Variants in LAMA2 observed in about 807,000 individuals in gnomAD.
LAMA2 encodes laminin subunit alpha 2.
In LAMA2, 269 loss-of-function variants were observed where a neutral mutation model predicts 364.8. The observed-to-expected ratio is 0.74, with a 90% confidence interval of 0.67 to 0.82. The LOEUF (loss-of-function observed/expected upper bound fraction) is 0.82, where lower values mean the gene tolerates loss of function less well. LAMA2 is among the 40% of genes least tolerant of loss of function. The probability of loss-of-function intolerance (pLI) is 0.00; values close to 1 mark genes in which losing one functional copy is unlikely to be tolerated. For synonymous variants in LAMA2, 1,379 were observed against 1,370.6 expected, an observed-to-expected ratio of 1.01 and a Z score of -0.14; for missense variants, 3,807 against 3,873.2, an observed-to-expected ratio of 0.98 and a Z score of 0.45.
chr6:128,938,064 C>T lies in LAMA2; in HGVS notation c.112+54707C>T, dbSNP rs1280567148. Among the ~76,000 whole-genome samples, 3 of 152,018 alleles carry T rather than the reference C, an allele frequency of 2.0e-5. No individual in the cohort carries two copies. In the East Asian group the frequency reaches 5.8e-4, roughly 29 times the overall value. On this transcript the variant is annotated intron_variant, in intron 1 of 64. Coordinates refer to ENST00000421865, the MANE Select transcript of LAMA2 (RefSeq NM_000426.4). Reference sequence around the variant, plus strand: ...TGGTCATTTTGGAGTGTGTTGCTTACTTTCCATATATCTGTGCTGGGATTA... The same window carrying T: ...TGGTCATTTTGGAGTGTGTTGCTTATTTTCCATATATCTGTGCTGGGATTA...
At chr6:129,410,579 T>G (rs1181798000) in intron 40 of LAMA2, among the ~76,000 whole-genome samples, 6 of 152,182 alleles carry the variant, frequency 3.9e-5, no homozygotes, top group Non-Finnish European at 7.4e-5. Flanking sequence ...ACTGGTTGTA[T>G]TAGGGTTCTC....
intron 28 of LAMA2, among the ~76,000 whole-genome samples, chr6:129,326,755 T>TTA (rs896246343): frequency 2.1e-5 from 3 of 144,832 alleles, no homozygotes; most frequent in Admixed American, 7.1e-5. Flanking sequence ...TATATATAAT[T>TTA]TATATATATA....
chr6:128,918,967 AT>A (rs890202550), intron 1 of LAMA2, among the ~76,000 whole-genome samples: 2 of 152,092 alleles, frequency 1.3e-5, no homozygotes, highest in Non-Finnish European at 2.9e-5. Context: ...ATATATTGTG[AT>A]TGTTTCAAAT....
rs2114890596 is a variant in LAMA2 at position 129,503,071 on chromosome 6, T to C, written c.8358-20T>C. ...ATGCTGTTATTTTTCTGTTTGACTT[T>C]GCATGCTTTTGTTTCACAGTCTCAC... On this transcript the variant is annotated intron_variant, in intron 59 of 64. Transcript: ENST00000421865. 6.2e-7 allele frequency: 1 copy of C among 1,610,802 alleles called. No individual in the cohort carries two copies. Among genetic ancestry groups the C allele is most frequent in the Non-Finnish European group, 8.5e-7 (1 of 1,176,980 alleles).
intron 1 of LAMA2, among the ~76,000 whole-genome samples, chr6:128,964,244 T>C (rs1781709625): frequency 6.6e-6 from 1 of 152,072 alleles, no homozygotes; most frequent in South Asian, 2.1e-4. Context: ...GGGAAAGGGA[T>C]GCTTGATGAG....
At chr6:128,945,175 G>A (rs1377344695) in intron 1 of LAMA2, among the ~76,000 whole-genome samples, 3 of 152,180 alleles carry the variant, frequency 2.0e-5, no homozygotes, top group Non-Finnish European at 2.9e-5. Context: ...ATAGTCATGA[G>A]TGTGCCTCAC....
intron 1 of LAMA2, among the ~76,000 whole-genome samples, chr6:129,026,093 C>A (rs537548698): frequency 3.9e-5 from 6 of 152,212 alleles, no homozygotes; most frequent in African/African-American, 1.2e-4. Flanking sequence ...CTTACTCTCC[C>A]TAGACATAGA....
At chr6:128,907,298 C>A (rs1777548906) in intron 1 of LAMA2, among the ~76,000 whole-genome samples, 1 of 141,370 alleles carries the variant, frequency 7.1e-6, no homozygotes, top group African/African-American at 2.7e-5. Context: ...TGTTTGTATC[C>A]TCTTTTATTT....
At chr6:129,427,935 T>C (rs1265055377) in intron 41 of LAMA2, 81 bp downstream of exon 41, 2 of 888,302 alleles carry the variant, frequency 2.3e-6, no homozygotes, top group African/African-American at 1.7e-5. Context: ...TATTGGAGAA[T>C]GTAATTTCTT....
intron 1 of LAMA2, among the ~76,000 whole-genome samples, chr6:129,043,390 T>A (rs12206958): frequency 0.11 from 16,132 of 152,188 alleles, 880 homozygotes; most frequent in East Asian, 0.15. Flanking sequence ...ACTTATACTG[T>A]CTTTTATCAT....
At chr6:129,078,079 A>G (rs1727220514) in intron 3 of LAMA2, among the ~76,000 whole-genome samples, 1 of 151,988 alleles carries the variant, frequency 6.6e-6, no homozygotes, top group African/African-American at 2.4e-5. Context: ...GGATAGTGAT[A>G]ATAGGGGAGG....
chr6:129,513,578 C>T (rs1401038451), intron 63 of LAMA2, among the ~76,000 whole-genome samples: 2 of 152,184 alleles, frequency 1.3e-5, no homozygotes, highest in Non-Finnish European at 2.9e-5. Flanking sequence ...TTTAATCTTT[C>T]TTCTTAAGAC....
At chr6:129,366,756 G>T (rs1231276816) in intron 33 of LAMA2, among the ~76,000 whole-genome samples, 1 of 152,182 alleles carries the variant, frequency 6.6e-6, no homozygotes, top group Non-Finnish European at 1.5e-5. Context: ...AATGGAAATT[G>T]CTGCTTGCAA....
At chr6:129,219,834 G>T (rs1474740507) in intron 12 of LAMA2, among the ~76,000 whole-genome samples, 1 of 147,802 alleles carries the variant, frequency 6.8e-6, no homozygotes, top group Non-Finnish European at 1.5e-5. Flanking sequence ...TTGTGGGGTG[G>T]GGGGGAGGGG....
chr6:129,147,145 T>A, intron 6 of LAMA2, 97 bp downstream of exon 6: 6 of 805,348 alleles, frequency 7.5e-6, no homozygotes, highest in Non-Finnish European at 1.3e-5. Flanking sequence ...TAAATGGGAG[T>A]CAGGTCCCCA....
At chr6:128,963,759 CAAG>C (rs1252700431) in intron 1 of LAMA2, among the ~76,000 whole-genome samples, 3 of 151,962 alleles carry the variant, frequency 2.0e-5, no homozygotes. Flanking sequence ...TAAATGCTGA[CAAG>C]GAGAGAGGTT....
chr6:129,451,918 A>G (rs985610081), intron 45 of LAMA2, among the ~76,000 whole-genome samples: 19 of 152,182 alleles, frequency 1.2e-4, no homozygotes, highest in Admixed American at 2.6e-4. Flanking sequence ...GGAGGTAATG[A>G]TGATGCTAGT....
intron 4 of LAMA2, among the ~76,000 whole-genome samples, chr6:129,124,029 C>T (rs925534868): frequency 6.6e-6 from 1 of 152,140 alleles, no homozygotes; most frequent in Non-Finnish European, 1.5e-5. Context: ...ACATCAAATA[C>T]GTAAGGCTTT....
At chr6:129,131,835 AATG>A (rs1489941054) in intron 4 of LAMA2, among the ~76,000 whole-genome samples, 2 of 152,216 alleles carry the variant, frequency 1.3e-5, no homozygotes, top group African/African-American at 4.8e-5. Context: ...GATATTTTTA[AATG>A]ATATCTCACC....
Sources: allele counts gnomAD v4.1 joint callset (sites outside exome capture counted in the v4.1 genomes callset), GRCh38; gene constraint gnomAD v4.1.1; transcripts MANE v1.5; gene names NCBI Gene and HGNC (gene_info 2026-07-23, HGNC 2026-07-21).